The following CYRIA variants were observed in gnomAD, a reference collection of about 807,000 sequenced individuals.
CYRIA encodes CYFIP-related Rac1 interactor A.
A neutral mutation model predicts 43.9 loss-of-function variants in CYRIA; 15 were observed. That is an observed-to-expected ratio of 0.34 (90% confidence interval 0.23 to 0.53). The LOEUF (loss-of-function observed/expected upper bound fraction) is 0.53, where lower values mean the gene tolerates loss of function less well. Among genes scored for constraint, CYRIA ranks in the 20% least tolerant of loss-of-function variants. The probability of loss-of-function intolerance (pLI) is 0.94; values close to 1 mark genes in which losing one functional copy is unlikely to be tolerated. For synonymous variants in CYRIA, 117 were observed against 136.0 expected, an observed-to-expected ratio of 0.86 and a Z score of 0.97; for missense variants, 236 against 394.2, an observed-to-expected ratio of 0.60 and a Z score of 3.40.
chr2:16,650,456 A>G lies in CYRIA; in HGVS notation c.-167+15324T>C, dbSNP rs1669943678. ...AACACTAGCAAATCATAAAGGTTTC[A>G]TTGGTCTCTGGGCCAGTTCCTGATA... On this transcript the variant is annotated intron_variant, in intron 1 of 11. Coordinates refer to ENST00000381323, the MANE Select transcript of CYRIA (RefSeq NM_030797.4). The surrounding 1 kb of genome is among the most constrained non-coding windows in gnomAD (Gnocchi z 4.1). 2.6e-5 allele frequency among the ~76,000 whole-genome samples: 4 copies of G among 152,256 alleles called. No individual in the cohort carries two copies. The highest frequency in any genetic ancestry group is 9.6e-5 in the African/African-American group (4 of 41,468).
At chr2:16,555,422 C>T (rs1257328658) in intron 10 of CYRIA, among the ~76,000 whole-genome samples, 1 of 152,082 alleles carries the variant, frequency 6.6e-6, no homozygotes, top group Non-Finnish European at 1.5e-5. Context: ...TTTGATCTTG[C>T]CTTGTACTAT....
intron 1 of CYRIA, among the ~76,000 whole-genome samples, chr2:16,649,000 A>G (rs1261053974): frequency 6.6e-6 from 1 of 152,214 alleles, no homozygotes; most frequent in East Asian, 1.9e-4. Flanking sequence ...AAAAGATTTT[A>G]TAGTCAGCCT....
intron 1 of CYRIA, among the ~76,000 whole-genome samples, chr2:16,640,280 T>TC (rs1669634847): frequency 6.6e-6 from 1 of 152,140 alleles, no homozygotes; most frequent in South Asian, 2.1e-4. Flanking sequence ...CAGAGGCTCT[T>TC]CCCCCTGCAC....
In CYRIA at chr2:16,559,508, A is replaced by G. The variant is rs1461165988; in HGVS notation, c.789T>C (p.Tyr263=). Residue 263 remains tyrosine, a synonymous_variant, in exon 10 of 12, where the codon TAT becomes TAC. Coordinates refer to ENST00000381323, the MANE Select transcript of CYRIA (RefSeq NM_030797.4). Reference sequence around the variant, plus strand: ...AAGCTCCCACAGGGTGGACATGGTCATAGAGGATGATGACTCCCACCATCA... The same window carrying G: ...AAGCTCCCACAGGGTGGACATGGTCGTAGAGGATGATGACTCCCACCATCA... ...MRVMVGVIIL[Y]DHVHPVGAFC... is the part of the protein sequence containing the mutation. 1 of 1,613,224 alleles carries G rather than the reference A, an allele frequency of 6.2e-7. No individual in the cohort carries two copies. The highest frequency in any genetic ancestry group is 8.5e-7 in the Non-Finnish European group (1 of 1,179,490).
intron 1 of CYRIA, among the ~76,000 whole-genome samples, chr2:16,663,382 G>A (rs1038232028): frequency 5.3e-5 from 8 of 152,140 alleles, no homozygotes; most frequent in African/African-American, 1.4e-4. Flanking sequence ...ACCATAATAC[G>A]TGCTCAGCTT....
intron 1 of CYRIA, among the ~76,000 whole-genome samples, chr2:16,653,393 C>T (rs1178189113): frequency 3.9e-5 from 6 of 152,250 alleles, no homozygotes; most frequent in Admixed American, 3.9e-4. Flanking sequence ...TTACGTCCTT[C>T]AGGCCTTCAC....
At chr2:16,578,091 C>T (rs576109104) in intron 3 of CYRIA, among the ~76,000 whole-genome samples, 5 of 152,280 alleles carry the variant, frequency 3.3e-5, no homozygotes, top group African/African-American at 1.2e-4. Context: ...CCTTCTGAAG[C>T]CTGAAGATGT....
Position 16,562,068 on chromosome 2 carries a change from T to C in CYRIA, c.372A>G (p.Glu124=). Residue 124 remains glutamate (E), a synonymous_variant, in exon 6 of 12, where the codon GAA becomes GAG. Coordinates refer to ENST00000381323, the MANE Select transcript of CYRIA (RefSeq NM_030797.4). ...PYTPTQHLER[E]QALAKEFAEI... is the part of the protein sequence containing the mutation. Reference sequence around the variant, plus strand: ...CGGCAAACTCCTTTGCCAGGGCCTGTTCCCTTTCCAGGTGTTGGGTTGGTG... The same window carrying C: ...CGGCAAACTCCTTTGCCAGGGCCTGCTCCCTTTCCAGGTGTTGGGTTGGTG... 3.7e-6 allele frequency: 6 copies of C among 1,613,700 alleles called. No homozygotes were observed. Among genetic ancestry groups the C allele is most frequent in the Non-Finnish European group, 5.1e-6 (6 of 1,179,664 alleles).
intron 2 of CYRIA, among the ~76,000 whole-genome samples, chr2:16,592,893 A>T (rs1183901536): frequency 6.6e-6 from 1 of 152,202 alleles, no homozygotes; most frequent in Admixed American, 6.5e-5. Flanking sequence ...TGTGTACTGT[A>T]AGTAATACAT....
chr2:16,626,323 A>G (rs546764698), intron 1 of CYRIA, among the ~76,000 whole-genome samples: 18 of 152,138 alleles, frequency 1.2e-4, no homozygotes, highest in Admixed American at 7.9e-4. Context: ...TACAGACCCA[A>G]TCCAGAGCAG....
intron 1 of CYRIA, among the ~76,000 whole-genome samples, chr2:16,664,827 C>G (rs1670347559): frequency 6.6e-6 from 1 of 152,198 alleles, no homozygotes; most frequent in African/African-American, 2.4e-5. Flanking sequence ...CCCCATGACC[C>G]TGTCTTGGGT....
At chr2:16,589,532 A>G (rs1667848796) in intron 2 of CYRIA, among the ~76,000 whole-genome samples, 1 of 152,008 alleles carries the variant, frequency 6.6e-6, no homozygotes, top group Non-Finnish European at 1.5e-5. Flanking sequence ...GTTTTCTACT[A>G]CCTCTGTTAT....
intron 5 of CYRIA, among the ~76,000 whole-genome samples, chr2:16,563,663 C>T (rs79531477): frequency 0.079 from 12,001 of 152,136 alleles, 595 homozygotes; most frequent in East Asian, 0.13. Flanking sequence ...GAGCAGGTAA[C>T]CTGTTATCTT....
chr2:16,642,292 T>C (rs892004501), intron 1 of CYRIA, among the ~76,000 whole-genome samples: 3 of 152,194 alleles, frequency 2.0e-5, no homozygotes, highest in South Asian at 2.1e-4. Context: ...CTCCCAATCC[T>C]GCTCTACCCA....
intron 1 of CYRIA, among the ~76,000 whole-genome samples, chr2:16,653,889 A>T (rs1572206503): frequency 1.3e-5 from 2 of 152,344 alleles, no homozygotes; most frequent in Middle Eastern, 6.8e-3. Flanking sequence ...TACGAAGCTA[A>T]CGCATAGTAT....
chr2:16,577,725 T>C (rs1329694729), intron 3 of CYRIA, among the ~76,000 whole-genome samples: 1 of 152,216 alleles, frequency 6.6e-6, no homozygotes, highest in African/African-American at 2.4e-5. Flanking sequence ...TATGTCAGCC[T>C]GCAAAGTCTC....
At position 16,640,037 on chromosome 2, in the gene CYRIA, C is replaced by T. The variant is rs1277153111; in HGVS notation, c.-166-16018G>A. ...GTTTCAGTTTTATCTTCTGTAACAC[C>T]GGATAAAAGATGAGGCTGAATCCAT... On this transcript the variant is annotated intron_variant, in intron 1 of 11. Coordinates refer to ENST00000381323, the MANE Select transcript of CYRIA (RefSeq NM_030797.4). 4.6e-5 allele frequency among the ~76,000 whole-genome samples: 7 copies of T among 152,050 alleles called. No individual in the cohort carries two copies. The East Asian group carries it at 9.6e-4, about 21-fold the overall frequency.
intron 2 of CYRIA, among the ~76,000 whole-genome samples, chr2:16,621,276 G>A (rs549831609): frequency 6.6e-5 from 10 of 152,232 alleles, no homozygotes; most frequent in Admixed American, 5.2e-4. Flanking sequence ...AGGTTCCAGT[G>A]GAAAATTCCT....
intron 1 of CYRIA, among the ~76,000 whole-genome samples, chr2:16,662,941 C>G (rs1057373495): frequency 1.3e-5 from 2 of 152,154 alleles, no homozygotes; most frequent in Non-Finnish European, 2.9e-5. Context: ...ATTTTTCGAA[C>G]CCCTAGTTCC....
Sources: gnomAD v4.1 joint callset for allele counts (sites outside exome capture counted in the v4.1 genomes callset) on GRCh38, gnomAD v4.1.1 for gene constraint, Gnocchi (gnomAD v3.1) non-coding constraint, MANE v1.5 for transcripts, NCBI Gene and HGNC (gene_info 2026-07-23, HGNC 2026-07-21) for gene names.